RASA3: variants seen among roughly 807,000 people sequenced by gnomAD.
The protein encoded by RASA3 is ras GTPase-activating protein 3.
RASA3 carries 73 observed loss-of-function variants against 110.0 expected under a neutral mutation model. The observed-to-expected ratio is 0.66, with a 90% CI of 0.55 to 0.81. The LOEUF (loss-of-function observed/expected upper bound fraction) is 0.81. Among genes scored for constraint, RASA3 ranks in the 30% least tolerant of loss-of-function variants. The pLI is 0.00. For missense variants in RASA3, 976 were observed against 1,113.2 expected (o/e 0.88, Z 1.75); for synonymous variants, 500 against 451.4 (o/e 1.11, Z -1.37).
chr13:113,991,934 TC>T (rs1244305636), intron 22 of RASA3, among the ~76,000 whole-genome samples: 1 of 151,784 alleles, frequency 6.6e-6, no homozygotes, highest in Non-Finnish European at 1.5e-5. Flanking sequence ...ACATGTCATG[TC>T]CATACATTCA....
At chr13:114,038,720 C>T (rs973467246) in intron 4 of RASA3, among the ~76,000 whole-genome samples, 8 of 138,874 alleles carry the variant, frequency 5.8e-5, no homozygotes, top group African/African-American at 2.1e-4. Flanking sequence ...TCCCAGAGGA[C>T]GAGGGTTCCC....
chr13:114,020,357 C>G (rs1594335980), intron 9 of RASA3, among the ~76,000 whole-genome samples: 1 of 152,344 alleles, frequency 6.6e-6, no homozygotes, highest in East Asian at 1.9e-4. Flanking sequence ...CATTAGCACC[C>G]TGGGGCTCTC....
chr13:114,002,374 C>T (rs1048638401), intron 18 of RASA3, among the ~76,000 whole-genome samples: 9 of 152,142 alleles, frequency 5.9e-5, no homozygotes, highest in African/African-American at 1.9e-4. Context: ...CAGTTCACAA[C>T]CAGTGGATGC....
chr13:113,992,115 CAT>C (rs1455633830), intron 22 of RASA3, among the ~76,000 whole-genome samples: 2 of 152,194 alleles, frequency 1.3e-5, no homozygotes, highest in Admixed American at 6.5e-5. Context: ...CATATGCACA[CAT>C]CTCATACGTG....
intron 8 of RASA3, among the ~76,000 whole-genome samples, chr13:114,021,984 A>C (rs2053937010): frequency 6.6e-6 from 1 of 152,124 alleles, no homozygotes; most frequent in African/African-American, 2.4e-5. Context: ...TGCCACTCTC[A>C]GCTCCAGCAC....
intron 2 of RASA3, among the ~76,000 whole-genome samples, chr13:114,059,272 C>T (rs559585115): frequency 6.6e-6 from 1 of 152,198 alleles, no homozygotes; most frequent in Non-Finnish European, 1.5e-5. Context: ...AGCACAGTCC[C>T]CAGGTGCAGC....
Position 114,052,165 on chromosome 13 carries a change from CAA to C in RASA3, c.174-12_174-11del, listed in dbSNP as rs2079156208. The C allele has an allele frequency of 6.3e-7, 1 of 1,589,832 alleles. No individual in the cohort carries two copies. Among genetic ancestry groups the C allele is most frequent in the Non-Finnish European group, 8.6e-7 (1 of 1,159,786 alleles). ...TTCTCCGTAAAACGGGCTAGTGAGA[CAA>C]AGAAAAGCGCCAGTTAGAACACAGG... On this transcript the variant is annotated splice_polypyrimidine_tract_variant and intron_variant, in intron 2 of 23. Coordinates refer to ENST00000334062, the MANE Select transcript of RASA3 (RefSeq NM_007368.4).
In RASA3 at chr13:114,011,409, G is replaced by A. The variant is rs892208332; in HGVS notation, c.1513-161C>T. Among the ~76,000 whole-genome samples the A allele has an allele frequency of 1.3e-5, 2 of 152,278 alleles. No homozygotes were observed. Among genetic ancestry groups the A allele is most frequent in the Middle Eastern group, 3.4e-3 (1 of 294 alleles). ...AGCGACGCAGATGGGACTGGAGGGGGTGGGCGTCCCACAGTCTCAGGAGCT... is the reference window on the plus strand; with the variant it reads ...AGCGACGCAGATGGGACTGGAGGGGATGGGCGTCCCACAGTCTCAGGAGCT... On this transcript the variant is annotated intron_variant, in intron 15 of 23. Coordinates refer to ENST00000334062, the MANE Select transcript of RASA3 (RefSeq NM_007368.4). This position sits in a 1 kb window ranked among gnomAD's most constrained non-coding sequence, Gnocchi z 4.8.
At chr13:114,040,408 ATGG>A (rs2054374977) in intron 4 of RASA3, among the ~76,000 whole-genome samples, 2 of 7,628 alleles carry the variant, frequency 2.6e-4, no homozygotes, top group African/African-American at 1.5e-3. Context: ...CCCAAAATCC[ATGG>A]CAGAGACCGC....
chr13:113,979,570 C>G, intron 23 of RASA3, 148 bp from the exon 24 acceptor site: 1 of 691,276 alleles, frequency 1.4e-6, no homozygotes. Context: ...AACCACAGTG[C>G]CCCCGGAAGC....
chr13:114,123,591 CACA>C (rs2080407603), intron 1 of RASA3, among the ~76,000 whole-genome samples: 2 of 152,224 alleles, frequency 1.3e-5, no homozygotes, highest in South Asian at 2.1e-4. Context: ...TCCAGGAAGA[CACA>C]ACAACAATCA....
chr13:114,060,725 C>T (rs2079324722), intron 2 of RASA3, among the ~76,000 whole-genome samples: 1 of 152,210 alleles, frequency 6.6e-6, no homozygotes, highest in African/African-American at 2.4e-5. Context: ...CAGGACTGTC[C>T]CCCAGCGCTG....
intron 23 of RASA3, among the ~76,000 whole-genome samples, chr13:113,980,025 C>T (rs1438327492): frequency 7.0e-6 from 1 of 143,612 alleles, no homozygotes; most frequent in African/African-American, 2.6e-5. Flanking sequence ...CCCACGTGTG[C>T]ACCTGTGTGT....
rs1336286973 is a variant in RASA3 at position 114,048,082 on chromosome 13, G to A, written c.277+3970C>T. ...TGTAATCCCAGCACTTTGGGAGGCC[G>A]AGGTGGGCGGATCACGAGGTCAGGA... On this transcript the variant is annotated intron_variant, in intron 3 of 23. Transcript: ENST00000334062. The surrounding 1 kb of genome is among the most constrained non-coding windows in gnomAD (Gnocchi z 4.3). Among the ~76,000 whole-genome samples the A allele has an allele frequency of 2.0e-5, 3 of 152,290 alleles. No homozygotes were observed. Among genetic ancestry groups the A allele is most frequent in the African/African-American group, 7.2e-5 (3 of 41,572 alleles).
In RASA3 at chr13:114,000,584, T is replaced by C. The variant is rs556464771; in HGVS notation, c.1849+242A>G. ...AGCACCTTACTGATGTGGTCAGCTC[T>C]GCGTTTACTGGTTCTCTGGGGAAGC... On this transcript the variant is annotated intron_variant, in intron 19 of 23. Transcript: ENST00000334062. Among the ~76,000 whole-genome samples the C allele has an allele frequency of 4.6e-5, 7 of 152,318 alleles. 1 individual carries two copies. The South Asian group carries it at 1.4e-3, about 32-fold the overall frequency.
At chr13:114,062,721 G>A (rs1004396659) in intron 2 of RASA3, among the ~76,000 whole-genome samples, 31 of 152,214 alleles carry the variant, frequency 2.0e-4, no homozygotes, top group African/African-American at 7.0e-4. Context: ...TTCGCACGCA[G>A]ACTCAGACAT....
intron 1 of RASA3, among the ~76,000 whole-genome samples, chr13:114,103,409 A>C (rs949534739): frequency 8.5e-5 from 13 of 152,140 alleles, no homozygotes; most frequent in African/African-American, 2.9e-4. Context: ...CACTACATCC[A>C]AAGGGAAGGT....
Position 114,055,854 on chromosome 13 carries a change from G to T in RASA3, c.174-3699C>A, listed in dbSNP as rs1942176004. ...GCATCTCACACAAGAAGCCCAGCGG[G>T]AGCACGCACAGCTCTGGGCCTTGCG... On this transcript the variant is annotated intron_variant, in intron 2 of 23. Transcript: ENST00000334062. 2.0e-5 allele frequency among the ~76,000 whole-genome samples: 3 copies of T among 152,238 alleles called. No homozygotes were observed. The South Asian group carries it at 6.2e-4, about 31-fold the overall frequency.
At chr13:114,002,389 C>T (rs1050496919) in intron 18 of RASA3, among the ~76,000 whole-genome samples, 12 of 152,024 alleles carry the variant, frequency 7.9e-5, no homozygotes, top group African/African-American at 2.2e-4. Context: ...GGATGCCGAA[C>T]GCCGTTCATT....
Sources: allele counts gnomAD v4.1 joint callset (sites outside exome capture counted in the v4.1 genomes callset), GRCh38; gene constraint gnomAD v4.1.1; non-coding constraint Gnocchi (gnomAD v3.1); transcripts MANE v1.5; gene names NCBI Gene and HGNC (gene_info 2026-07-23, HGNC 2026-07-21).